COL28A1: variants seen among roughly 807,000 people sequenced by gnomAD.
The protein encoded by COL28A1 is collagen type XXVIII alpha 1 chain, also known as collagen alpha-1(XXVIII) chain.
A neutral mutation model predicts 150.2 loss-of-function variants in COL28A1; 161 were observed. That is an observed-to-expected ratio of 1.07 (90% CI 0.94 to 1.22). The LOEUF (loss-of-function observed/expected upper bound fraction) is 1.22, where lower values mean the gene tolerates loss of function less well. Ranked by LOEUF, COL28A1 falls within the 50% of genes most tolerant of loss-of-function variation. The probability of loss-of-function intolerance (pLI) is 0.00; values close to 1 mark genes in which losing one functional copy is unlikely to be tolerated. For synonymous variants in COL28A1, 552 were observed against 469.7 expected (o/e 1.18, Z -2.26); for missense variants, 1,617 against 1,388.3 (o/e 1.16, Z -2.62).
In COL28A1 at chr7:7,459,771, G is replaced by A. The variant is rs191103599; in HGVS notation, c.1303-3659C>T. Among the ~76,000 whole-genome samples the A allele has an allele frequency of 3.7e-3, 562 of 152,294 alleles. 3 individuals are homozygous for A. The highest frequency in any genetic ancestry group is 6.2e-3 in the Non-Finnish European group (419 of 68,020). On this transcript the variant is annotated intron_variant, in intron 15 of 34. Transcript: ENST00000399429. ...ACAACGAGGAGCTGACCTGACCCTG[G>A]CAAGTAGGCCGTGGTGTCAAACATG...
chr7:7,375,498 C>A lies in COL28A1; in HGVS notation c.2323-1G>T, dbSNP rs982326834. 5.2e-6 allele frequency: 8 copies of A among 1,546,940 alleles called. No homozygotes were observed. The East Asian group carries it at 1.8e-4, about 35-fold the overall frequency. On this transcript the variant is annotated splice_acceptor_variant, in intron 30 of 34. Coordinates refer to ENST00000399429, the MANE Select transcript of COL28A1 (RefSeq NM_001037763.3). LOFTEE classifies it high-confidence loss of function. ...TAATAAGTTTGATAATTTCTTCTTT[C>A]TAGGGGATAAAAAGAAAAATGTATT... is the stretch of plus-strand genomic sequence containing the variant.
In COL28A1 at chr7:7,373,319, A is replaced by T. The variant is rs1018527227; in HGVS notation, c.2587T>A (p.Leu863Met). 1.2e-6 allele frequency: 2 copies of T among 1,614,168 alleles called. No homozygotes were observed. Residue 863 changes from leucine to methionine, a missense_variant, in exon 32 of 35, where the codon TTG becomes ATG. By Grantham distance (15) the Leu-to-Met change is conservative. Transcript: ENST00000399429. This position sits in a 1 kb window ranked among gnomAD's most constrained non-coding sequence, Gnocchi z 4.1. ...KQFSSKDDFK[L>M]AVDNMQYLGE... ...AGATACTGCATGTTGTCCACAGCCA[A>T]CTTGAAGTCATCCTTGCTGGAGAAC...
At chr7:7,443,900 C>T (rs1786012940) in intron 19 of COL28A1, among the ~76,000 whole-genome samples, 1 of 150,920 alleles carries the variant, frequency 6.6e-6, no homozygotes, top group Non-Finnish European at 1.5e-5. Context: ...ATTTCCAAAG[C>T]AATAAGCTCA....
At chr7:7,390,498 C>T (rs916961867) in intron 27 of COL28A1, among the ~76,000 whole-genome samples, 4 of 152,134 alleles carry the variant, frequency 2.6e-5, no homozygotes, top group East Asian at 1.9e-4. Context: ...AGGATAATGC[C>T]GGCCTCATAA....
chr7:7,538,008 T>C (rs1388385466), upstream of COL28A1, among the ~76,000 whole-genome samples: 1 of 152,162 alleles, frequency 6.6e-6, no homozygotes, highest in Admixed American at 6.5e-5. Context: ...TTGATTAAAG[T>C]TGGTGGGAGG....
At chr7:7,506,135 A>G (rs981373705) in intron 10 of COL28A1, 68 bp from the exon 11 acceptor site, 17 of 858,494 alleles carry the variant, frequency 2.0e-5, no homozygotes, top group Non-Finnish European at 2.4e-5. Context: ...ATCATTCTTT[A>G]GGGTCCCTAG....
chr7:7,521,846 G>A (rs957309686), intron 5 of COL28A1, 59 bp downstream of exon 5: 7 of 845,578 alleles, frequency 8.3e-6, no homozygotes, highest in African/African-American at 3.3e-5. Context: ...TTTCAAGAGC[G>A]AGTAGAGCTA....
At chr7:7,394,810 T>G (rs1174885021) in intron 27 of COL28A1, among the ~76,000 whole-genome samples, 2 of 152,366 alleles carry the variant, frequency 1.3e-5, no homozygotes, top group East Asian at 3.9e-4. Context: ...AAGGTTCCTT[T>G]GTCATCTCAT....
intron 4 of COL28A1, among the ~76,000 whole-genome samples, chr7:7,523,344 G>A (rs991558114): frequency 1.3e-5 from 2 of 151,766 alleles, no homozygotes; most frequent in Non-Finnish European, 2.9e-5. Context: ...ATTTTTAGTA[G>A]AGACGGGGTT....
chr7:7,471,742 A>G (rs771252568), intron 15 of COL28A1, among the ~76,000 whole-genome samples: 5 of 152,130 alleles, frequency 3.3e-5, no homozygotes, highest in African/African-American at 4.8e-5. Flanking sequence ...TAAAAACATA[A>G]AAATTAGCTG....
intron 15 of COL28A1, among the ~76,000 whole-genome samples, chr7:7,473,706 T>C (rs117980006): frequency 0.016 from 2,480 of 152,160 alleles, 26 homozygotes; most frequent in Non-Finnish European, 0.026. Context: ...AGAGGAAAAG[T>C]CGTCATTATA....
At chr7:7,436,714 T>A (rs1785371500) in intron 22 of COL28A1, among the ~76,000 whole-genome samples, 1 of 152,214 alleles carries the variant, frequency 6.6e-6, no homozygotes, top group East Asian at 1.9e-4. Flanking sequence ...ACTCAAATAT[T>A]TCGACTTTAA....
the COL28A1 span, among the ~76,000 whole-genome samples, chr7:7,341,826 T>C: frequency 3.3e-5 from 5 of 152,160 alleles, no homozygotes; most frequent in African/African-American, 1.2e-4. Context: ...CCTTTGAAAT[T>C]TGTTGAACTT....
At chr7:7,355,239 T>C (rs1780320202), downstream of COL28A1, among the ~76,000 whole-genome samples, 1 of 152,156 alleles carries the variant, frequency 6.6e-6, no homozygotes, top group Non-Finnish European at 1.5e-5. Context: ...AAATCTTTCC[T>C]AATTATAAAC....
chr7:7,520,082 G>T lies in COL28A1; in HGVS notation c.793C>A (p.Arg265=), dbSNP rs774295912. 4 of 1,440,042 alleles carry T rather than the reference G, an allele frequency of 2.8e-6. No homozygotes were observed. The highest frequency in any genetic ancestry group is 1.4e-5 in the African/African-American group (1 of 71,550). The allele number at this position is 1,440,042 out of a possible 1,614,324, so 89.2% of individuals were successfully genotyped here. Residue 265 remains arginine (R), a synonymous_variant, in exon 6 of 35, where the codon CGA becomes AGA. Transcript: ENST00000399429. ...TTTACCGGGTTTCCTTTTGGTCCTC[G>T]CTCACCTTTGATACCTGGATTTCCA... ...THGNPGIKGE[R]GPKGNPGNAQ... is the part of the protein sequence containing the mutation.
chr7:7,353,671 C>CA (rs2128275147), downstream of COL28A1, among the ~76,000 whole-genome samples: 1 of 152,212 alleles, frequency 6.6e-6, no homozygotes, highest in East Asian at 1.9e-4. Context: ...AAGATGTGGT[C>CA]AGTCAGGGAA....
chr7:7,363,368 T>C (rs569408775), intron 33 of COL28A1, among the ~76,000 whole-genome samples: 2 of 152,346 alleles, frequency 1.3e-5, no homozygotes, highest in East Asian at 3.9e-4. Context: ...GAAATTTTGA[T>C]ATCTGTTAAC....
At chr7:7,411,028 T>A (rs972887817) in intron 27 of COL28A1, among the ~76,000 whole-genome samples, 2 of 152,200 alleles carry the variant, frequency 1.3e-5, no homozygotes, top group Non-Finnish European at 2.9e-5. Context: ...CTGGAAACAC[T>A]TTCAAAGCAA....
At chr7:7,389,743 T>C (rs1213660302) in intron 27 of COL28A1, among the ~76,000 whole-genome samples, 1 of 152,186 alleles carries the variant, frequency 6.6e-6, no homozygotes. Context: ...CTAGGTATTT[T>C]ATTCTCTTTG....
Sources: gnomAD v4.1 joint callset for allele counts (sites outside exome capture counted in the v4.1 genomes callset) on GRCh38, gnomAD v4.1.1 for gene constraint, Gnocchi (gnomAD v3.1) non-coding constraint, MANE v1.5 for transcripts, NCBI Gene and HGNC (gene_info 2026-07-23, HGNC 2026-07-21) for gene names.